AMPH: variants seen among roughly 807,000 people sequenced by gnomAD.
The protein encoded by AMPH is amphiphysin.
AMPH carries 49 observed loss-of-function variants against 99.1 expected under a neutral mutation model. The ratio of observed to expected loss-of-function variants is 0.49; its 90% CI spans 0.39 to 0.63. The LOEUF (loss-of-function observed/expected upper bound fraction) is 0.63, where lower values mean the gene tolerates loss of function less well. Ranked by LOEUF, AMPH falls within the 20% of genes least tolerant of loss-of-function variation. The probability of loss-of-function intolerance (pLI) is 0.00; values close to 1 mark genes in which losing one functional copy is unlikely to be tolerated. For synonymous variants in AMPH, 314 were observed against 317.3 expected (o/e 0.99, Z 0.11); for missense variants, 759 against 863.4 (o/e 0.88, Z 1.52).
intron 17 of AMPH, among the ~76,000 whole-genome samples, chr7:38,401,580 T>A (rs921589838): frequency 6.6e-6 from 1 of 152,254 alleles, no homozygotes; most frequent in African/African-American, 2.4e-5. Flanking sequence ...AGAATTACTG[T>A]ATTGTGTTTC....
At chr7:38,539,414 G>C (rs1401171256) in intron 1 of AMPH, among the ~76,000 whole-genome samples, 2 of 39,384 alleles carry the variant, frequency 5.1e-5, no homozygotes, top group Non-Finnish European at 9.9e-5. Flanking sequence ...TTCTAGGCCA[G>C]AGGGAACTGA....
At chr7:38,557,109 G>A (rs1464442346) in intron 1 of AMPH, among the ~76,000 whole-genome samples, 1 of 152,102 alleles carries the variant, frequency 6.6e-6, no homozygotes, top group Non-Finnish European at 1.5e-5. Flanking sequence ...ACTGATTTGG[G>A]GTGGGAAACA....
intron 1 of AMPH, among the ~76,000 whole-genome samples, chr7:38,589,761 G>A (rs372786916): frequency 8.5e-5 from 13 of 152,238 alleles, no homozygotes; most frequent in South Asian, 4.2e-4. Flanking sequence ...TTAGTTTGGC[G>A]TAAACACACC....
At chr7:38,599,613 T>C (rs1293295590) in intron 1 of AMPH, among the ~76,000 whole-genome samples, 1 of 152,176 alleles carries the variant, frequency 6.6e-6, no homozygotes, top group Non-Finnish European at 1.5e-5. Flanking sequence ...TTTTACTGCA[T>C]TGCGGGGTTG....
At chr7:38,396,062 A>C (rs899805228) in intron 17 of AMPH, among the ~76,000 whole-genome samples, 1 of 152,198 alleles carries the variant, frequency 6.6e-6, no homozygotes, top group Non-Finnish European at 1.5e-5. Flanking sequence ...TCCCTCTCTT[A>C]TGAGAATCTC....
intron 5 of AMPH, among the ~76,000 whole-genome samples, chr7:38,489,598 G>C (rs2129019278): frequency 6.6e-6 from 1 of 152,168 alleles, no homozygotes; most frequent in Non-Finnish European, 1.5e-5. Context: ...TATAGAAATG[G>C]AGAAAAGATC....
chr7:38,489,628 G>A (rs187225660), intron 5 of AMPH, among the ~76,000 whole-genome samples: 4 of 152,168 alleles, frequency 2.6e-5, no homozygotes, highest in Non-Finnish European at 5.9e-5. Context: ...CATGTTTGAT[G>A]AGGAGTTAAT....
intron 1 of AMPH, among the ~76,000 whole-genome samples, chr7:38,576,961 G>A (rs1182525363): frequency 6.6e-6 from 1 of 151,796 alleles, no homozygotes; most frequent in Non-Finnish European, 1.5e-5. Flanking sequence ...ATACATCTAG[G>A]GCTCATGATA....
chr7:38,408,504 G>A (rs1283396104), intron 17 of AMPH, among the ~76,000 whole-genome samples: 1 of 152,146 alleles, frequency 6.6e-6, no homozygotes, highest in African/African-American at 2.4e-5. Context: ...GCTCACGCTT[G>A]TAATCCCAGC....
intron 2 of AMPH, among the ~76,000 whole-genome samples, chr7:38,507,955 T>C (rs1422230608): frequency 2.0e-5 from 3 of 152,222 alleles, no homozygotes; most frequent in African/African-American, 4.8e-5. Context: ...TTTGTTTAGA[T>C]ACACTAAATT....
At chr7:38,443,452 G>C (rs59610401) in intron 11 of AMPH, among the ~76,000 whole-genome samples, 1 of 151,826 alleles carries the variant, frequency 6.6e-6, no homozygotes, top group South Asian at 2.1e-4. Flanking sequence ...ATTCTAGACC[G>C]AGCTTTAGCA....
intron 2 of AMPH, among the ~76,000 whole-genome samples, chr7:38,525,277 T>TATATATAGAGAGAG (rs1481528083): frequency 5.1e-4 from 44 of 86,650 alleles, no homozygotes; most frequent in East Asian, 1.4e-3. Flanking sequence ...TATATATATA[T>TATATATAGAGAGAG]AGAGAGAGAG....
chr7:38,436,487 G>A lies in AMPH; in HGVS notation c.1018-99C>T, dbSNP rs1236958943. On this transcript the variant is annotated intron_variant, in intron 11 of 20. Transcript: ENST00000356264. The stretch of plus-strand genomic sequence containing the variant: ...GTATACTCTCTCTAATATTATTATT[G>A]AGTATCTCCAAAACACACTTTTATA... The A allele has an allele frequency of 9.1e-6, 8 of 880,400 alleles. No homozygotes were observed. In the Admixed American group the frequency reaches 1.6e-4, roughly 18 times the overall value. 54.5% of individuals were successfully genotyped at this position (880,400 alleles called of 1,614,324 possible).
chr7:38,501,681 A>T (rs1264469022), intron 3 of AMPH, among the ~76,000 whole-genome samples: 1 of 152,024 alleles, frequency 6.6e-6, no homozygotes, highest in African/African-American at 2.4e-5. Context: ...TTATTTAATA[A>T]CATGTTTATA....
intron 19 of AMPH, among the ~76,000 whole-genome samples, chr7:38,390,961 CAGAGAGAG>C (rs199667568): frequency 0.049 from 6,288 of 128,782 alleles, 118 homozygotes; most frequent in East Asian, 0.088. Flanking sequence ...GAGACAAAGA[CAGAGAGAG>C]AGAGAGAGAG....
intron 1 of AMPH, among the ~76,000 whole-genome samples, chr7:38,567,760 G>T (rs1231422614): frequency 6.6e-6 from 1 of 152,044 alleles, no homozygotes; most frequent in African/African-American, 2.4e-5. Flanking sequence ...AAAATAATTA[G>T]AATAGTTTTT....
chr7:38,611,925 C>A (rs570252489), intron 1 of AMPH, among the ~76,000 whole-genome samples: 18 of 152,160 alleles, frequency 1.2e-4, no homozygotes, highest in African/African-American at 3.4e-4. Flanking sequence ...AAGAGATGAA[C>A]CTTTGGGTGT....
At position 38,525,275 on chromosome 7, in the gene AMPH, T is replaced by TAG. The variant is rs1209069502; in HGVS notation, c.150+9655_150+9656insCT. ...GTGTGTGTGTATATATATATATATA[T>TAG]ATAGAGAGAGAGAGAGAGAGAGAGA... On this transcript the variant is annotated intron_variant, in intron 2 of 20. Coordinates refer to ENST00000356264, the MANE Select transcript of AMPH (RefSeq NM_001635.4). Among the ~76,000 whole-genome samples the TAG allele has an allele frequency of 3.6e-3, 313 of 86,282 alleles. 1 individual carries two copies. The highest frequency in any genetic ancestry group is 0.01 in the Middle Eastern group (2 of 198). 56.6% of individuals were successfully genotyped at this position (86,282 alleles called of 152,430 possible). A position where few individuals can be genotyped will look rare whatever the true frequency, so the allele number is the denominator to read the frequency against.
At chr7:38,621,673 A>T (rs1310514517) in intron 1 of AMPH, among the ~76,000 whole-genome samples, 2 of 152,194 alleles carry the variant, frequency 1.3e-5, no homozygotes, top group Non-Finnish European at 2.9e-5. Flanking sequence ...CCATTTATGA[A>T]CTCAGCTTTC....
Sources: allele counts gnomAD v4.1 joint callset (sites outside exome capture counted in the v4.1 genomes callset), GRCh38; gene constraint gnomAD v4.1.1; transcripts MANE v1.5; gene names NCBI Gene and HGNC (gene_info 2026-07-23, HGNC 2026-07-21).